Variants in KCNH1 observed in about 807,000 individuals in gnomAD.
KCNH1 encodes the protein voltage-gated delayed rectifier potassium channel KCNH1.
Under a neutral mutation model 69.2 loss-of-function variants are expected in KCNH1, and 27 were observed. The observed-to-expected ratio is 0.39, with a 90% CI of 0.29 to 0.54. The LOEUF (loss-of-function observed/expected upper bound fraction) is 0.54. Among genes scored for constraint, KCNH1 ranks in the 20% least tolerant of loss-of-function variants. The probability of loss-of-function intolerance (pLI) is 0.68; values close to 1 mark genes in which losing one functional copy is unlikely to be tolerated. For missense variants in KCNH1, 798 were observed against 1,261.6 expected (o/e 0.63, Z 5.57); for synonymous variants, 456 against 487.7 (o/e 0.93, Z 0.86).
intron 10 of KCNH1, among the ~76,000 whole-genome samples, chr1:210,743,542 C>T (rs531720529): frequency 2.0e-5 from 3 of 152,248 alleles, no homozygotes; most frequent in South Asian, 2.1e-4. Context: ...CTCCATCCCT[C>T]GCAAGAAGCC....
chr1:210,990,528 G>C (rs974641558), intron 6 of KCNH1, among the ~76,000 whole-genome samples: 1 of 152,080 alleles, frequency 6.6e-6, no homozygotes, highest in Non-Finnish European at 1.5e-5. Context: ...CCTGGGCAAG[G>C]TACCCTCTCT....
intron 5 of KCNH1, among the ~76,000 whole-genome samples, chr1:211,060,898 C>T (rs1690422930): frequency 6.6e-6 from 1 of 152,064 alleles, no homozygotes; most frequent in South Asian, 2.1e-4. Context: ...GAACTAATAC[C>T]AATGCTACTC....
chr1:210,877,085 T>C (rs1171277653), intron 7 of KCNH1, among the ~76,000 whole-genome samples: 1 of 115,280 alleles, frequency 8.7e-6, no homozygotes, highest in Non-Finnish European at 1.9e-5. Flanking sequence ...AAAAAAAAAG[T>C]CACCACAAAG....
rs551688666 is a variant in KCNH1 at position 210,858,999 on chromosome 1, G to C, written c.1463-54833C>G. On this transcript the variant is annotated intron_variant, in intron 7 of 10. Transcript: ENST00000271751. Reference sequence around the variant, plus strand: ...CAAAATCCCACTGGTTTCTTTTCCAGTGCCAGGTTGCATGATCAGGTCCCA... The same window carrying C: ...CAAAATCCCACTGGTTTCTTTTCCACTGCCAGGTTGCATGATCAGGTCCCA... 8.3e-6 allele frequency: 4 copies of C among 482,344 alleles called. No homozygotes were observed. In the South Asian group the frequency reaches 1.2e-4, roughly 15 times the overall value. The allele number at this position is 482,344 out of a possible 1,614,324, so 29.9% of individuals were successfully genotyped here.
chr1:211,087,421 T>C (rs992824188), intron 4 of KCNH1, among the ~76,000 whole-genome samples: 4 of 152,144 alleles, frequency 2.6e-5, no homozygotes, highest in African/African-American at 9.7e-5. Context: ...TCTAATTCTA[T>C]ACTCATTTGC....
At chr1:210,955,456 GA>G (rs1281487601) in intron 6 of KCNH1, among the ~76,000 whole-genome samples, 1 of 152,190 alleles carries the variant, frequency 6.6e-6, no homozygotes, top group Non-Finnish European at 1.5e-5. Flanking sequence ...TTGGTAGCTT[GA>G]TGGGGATGGC....
At chr1:210,847,321 GA>G (rs1465557635) in intron 7 of KCNH1, among the ~76,000 whole-genome samples, 2 of 152,108 alleles carry the variant, frequency 1.3e-5, no homozygotes, top group African/African-American at 4.8e-5. Context: ...CAAAGACTTG[GA>G]ACCAATCCAA....
In KCNH1 at chr1:210,683,677, C is replaced by T. The variant is rs753475175; in HGVS notation, c.2574G>A (p.Ser858=). The change falls in exon 11 of 11, where the codon TCG becomes TCA. Residue 858 remains serine (S), a synonymous_variant. Coordinates refer to ENST00000271751, the MANE Select transcript of KCNH1 (RefSeq NM_172362.3). The surrounding 1 kb of genome is among the most constrained non-coding windows in gnomAD (Gnocchi z 5.7). ...EDWNKVSKAE[S]METLPERTKA... is the part of the protein sequence containing the mutation. ...TTGTCCTCTCGGGAAGTGTCTCCAT[C>T]GACTCAGCCTTGGACACCTTGTTCC... 30 of 1,614,100 alleles carry T rather than the reference C, an allele frequency of 1.9e-5. No homozygotes were observed. Among genetic ancestry groups the T allele is most frequent in the Admixed American group, 5.0e-5 (3 of 60,006 alleles).
chr1:210,824,095 C>A (rs962786861), intron 7 of KCNH1, among the ~76,000 whole-genome samples: 2 of 152,060 alleles, frequency 1.3e-5, no homozygotes, highest in Admixed American at 6.6e-5. Flanking sequence ...GCCACTATAC[C>A]CCGACCTCTT....
chr1:210,871,820 C>T lies in KCNH1; in HGVS notation c.1462+47820G>A, dbSNP rs1686255400. On this transcript the variant is annotated intron_variant, in intron 7 of 10. Transcript: ENST00000271751. The stretch of plus-strand genomic sequence containing the variant: ...CGCAAGAACAAAAAACCAAACACCG[C>T]ATATTCTCACTCATAGGTGGGAATT... Among the ~76,000 whole-genome samples, 4 of 143,928 alleles carry T rather than the reference C, an allele frequency of 2.8e-5. No individual in the cohort carries two copies. The South Asian group carries it at 8.7e-4, about 31-fold the overall frequency. 94.4% of individuals were successfully genotyped at this position (143,928 alleles called of 152,430 possible). A position where few individuals can be genotyped will look rare whatever the true frequency, so the allele number is the denominator to read the frequency against.
chr1:210,819,658 A>G (rs1379518901), intron 7 of KCNH1, among the ~76,000 whole-genome samples: 1 of 152,154 alleles, frequency 6.6e-6, no homozygotes, highest in African/African-American at 2.4e-5. Flanking sequence ...GTATTTATAC[A>G]CTATGATAAA....
intron 7 of KCNH1, among the ~76,000 whole-genome samples, chr1:210,815,260 G>A (rs1684789664): frequency 6.6e-6 from 1 of 152,146 alleles, no homozygotes; most frequent in African/African-American, 2.4e-5. Flanking sequence ...TCCCTAATAA[G>A]GTTTTAGTAT....
In KCNH1 at chr1:211,082,327, C is replaced by G. The variant is rs184307266; in HGVS notation, c.558+453G>C. Among the ~76,000 whole-genome samples, 185 of 152,240 alleles carry G rather than the reference C, an allele frequency of 1.2e-3. 1 individual carries two copies. The highest frequency in any genetic ancestry group is 4.0e-3 in the African/African-American group (167 of 41,550). On this transcript the variant is annotated intron_variant, in intron 5 of 10. Coordinates refer to ENST00000271751, the MANE Select transcript of KCNH1 (RefSeq NM_172362.3). ...TCTTAGCATTTAGGAAATAGGATAT[C>G]TACAAAGAAACAAGTTAAATGCACA...
intron 6 of KCNH1, among the ~76,000 whole-genome samples, chr1:211,011,128 T>C (rs1473590439): frequency 6.6e-6 from 1 of 152,018 alleles, no homozygotes; most frequent in Non-Finnish European, 1.5e-5. Flanking sequence ...ATCCCTCCCC[T>C]ACCCCCACAA....
chr1:210,821,740 C>T (rs1321122536), intron 7 of KCNH1, among the ~76,000 whole-genome samples: 1 of 152,088 alleles, frequency 6.6e-6, no homozygotes, highest in Non-Finnish European at 1.5e-5. Context: ...AGCTGTACGA[C>T]TATTTAATTT....
intron 7 of KCNH1, among the ~76,000 whole-genome samples, chr1:210,809,741 G>A (rs1684660092): frequency 6.6e-6 from 1 of 152,194 alleles, no homozygotes; most frequent in Non-Finnish European, 1.5e-5. Flanking sequence ...ACAAAAGGGA[G>A]GAGCAGCATC....
At chr1:210,808,520 AATT>A (rs1206544463) in intron 7 of KCNH1, among the ~76,000 whole-genome samples, 1 of 152,014 alleles carries the variant, frequency 6.6e-6, no homozygotes, top group African/African-American at 2.4e-5. Context: ...AAAGGTGGAT[AATT>A]ATTGTCTCAA....
chr1:210,900,384 T>C (rs961843656), intron 7 of KCNH1, among the ~76,000 whole-genome samples: 1 of 152,226 alleles, frequency 6.6e-6, no homozygotes. Flanking sequence ...TTTGTTGGTT[T>C]CTTTATTTTT....
chr1:210,883,935 C>G (rs999992011), intron 7 of KCNH1, among the ~76,000 whole-genome samples: 1 of 152,248 alleles, frequency 6.6e-6, no homozygotes, highest in African/African-American at 2.4e-5. Context: ...TAGATTACAT[C>G]TGGTCTGAGG....
Sources: gnomAD v4.1 joint callset for allele counts (sites outside exome capture counted in the v4.1 genomes callset) on GRCh38, gnomAD v4.1.1 for gene constraint, Gnocchi (gnomAD v3.1) non-coding constraint, MANE v1.5 for transcripts, NCBI Gene and HGNC (gene_info 2026-07-23, HGNC 2026-07-21) for gene names.